C12orf57: variants seen among roughly 807,000 people sequenced by gnomAD.
C12orf57 encodes chromosome 12 open reading frame 57.
A neutral mutation model predicts 11.3 loss-of-function variants in C12orf57; 14 were observed. That is an observed-to-expected ratio of 1.24 (90% CI 0.82 to 1.94). C12orf57 has a LOEUF of 1.94. Ranked by LOEUF, C12orf57 falls within the 30% of genes most tolerant of loss-of-function variation. The pLI is 0.00. For synonymous variants in C12orf57, 100 were observed against 74.6 expected (o/e 1.34, Z -1.76); for missense variants, 229 against 172.4 (o/e 1.33, Z -1.84).
At position 6,944,140 on chromosome 12, in the gene C12orf57, C is replaced by A; in HGVS notation, c.19C>A (p.Gln7Lys). The change falls in exon 1 of 3, where the codon CAA (glutamine) becomes AAA (lysine). Residue 7 changes from glutamine to lysine, a missense_variant. Gln to Lys is a moderately conservative substitution (Grantham distance 53). Transcript: ENST00000229281. ...ACGCCCTATGGCGTCCGCCTCGACC[C>A]AACCGGCGGCCTTGAGCGCTGAGCA... MASAST[Q>K]PAALSAEQAK... 6.2e-7 allele frequency: 1 copy of A among 1,614,238 alleles called. No homozygotes were observed. Among genetic ancestry groups the A allele is most frequent in the Non-Finnish European group, 8.5e-7 (1 of 1,180,030 alleles).
chr12:6,944,558 C>T lies in C12orf57; in HGVS notation c.135C>T (p.Asn45=), dbSNP rs781947097. The T allele has an allele frequency of 1.2e-6, 2 of 1,613,528 alleles. No homozygotes were observed. The highest frequency in any genetic ancestry group is 2.7e-5 in the African/African-American group (2 of 74,914). The change falls in exon 2 of 3, where the codon AAC becomes AAT. Residue 45 remains asparagine, a synonymous_variant. Transcript: ENST00000229281. The stretch of plus-strand genomic sequence containing the variant: ...ACGAGGCTCGGGATAACGCCTGCAA[C>T]GACATGGGTAAGATGCTGCAATTCG... ...RMDEARDNAC[N]DMGKMLQFVL...
chr12:6,944,197 A>T, intron 1 of C12orf57, 24 bp downstream of exon 1: 2 of 1,565,906 alleles, frequency 1.3e-6, no homozygotes, highest in South Asian at 2.3e-5. Flanking sequence ...TAGTCAAGGC[A>T]TAGGCTGCTG....
chr12:6,945,829 C>T lies in C12orf57; in HGVS notation c.288C>T (p.Ala96=). The stretch of plus-strand genomic sequence containing the variant: ...ACGAAGCCCAGGATCCTGAGATCGC[C>T]AGCCTGTCAGGCAAGCTGAAGGCGC... ...KSYEAQDPEI[A]SLSGKLKALF... Residue 96 remains alanine, a synonymous_variant, in exon 3 of 3, where the codon GCC becomes GCT. Coordinates refer to ENST00000229281, the MANE Select transcript of C12orf57 (RefSeq NM_138425.4). 1 of 1,613,904 alleles carries T rather than the reference C, an allele frequency of 6.2e-7. No homozygotes were observed. Among genetic ancestry groups the T allele is most frequent in the Non-Finnish European group, 8.5e-7 (1 of 1,179,918 alleles).
upstream of C12orf57, chr12:6,943,999 T>G (rs1945710453): frequency 2.5e-6 from 4 of 1,591,008 alleles, no homozygotes; most frequent in South Asian, 4.5e-5. Flanking sequence ...CCTGGGCGCT[T>G]CCGGCTGCGC....
At chr12:6,944,387 C>G in intron 1 of C12orf57, 89 bp from the exon 2 acceptor site, 1 of 1,560,524 alleles carries the variant, frequency 6.4e-7, no homozygotes, top group Non-Finnish European at 8.7e-7. Context: ...CAGCCTCAAT[C>G]CACTAATTCC....
Position 6,944,645 on chromosome 12 carries a change from C to G in C12orf57, c.222C>G (p.Asp74Glu). Residue 74 changes from aspartate (D) to glutamate (E), a missense_variant, in exon 2 of 3, where the codon GAC (aspartate) becomes GAG (glutamate). Asp to Glu is a conservative substitution (Grantham distance 45). Coordinates refer to ENST00000229281, the MANE Select transcript of C12orf57 (RefSeq NM_138425.4). ...EVIKAYGFSC[D>E]GEGVLKFARL... ...TCAAAGCCTATGGCTTCAGCTGCGA[C>G]GGGGAAGGTGGGTCAGACGCGGGAA... is the stretch of plus-strand genomic sequence containing the variant. 1.2e-6 allele frequency: 2 copies of G among 1,611,744 alleles called. No homozygotes were observed. The highest frequency in any genetic ancestry group is 1.7e-6 in the Non-Finnish European group (2 of 1,178,052).
intron 2 of C12orf57, chr12:6,944,900 GT>G: frequency 7.2e-7 from 1 of 1,385,728 alleles, no homozygotes; most frequent in Admixed American, 3.3e-5. Flanking sequence ...AGTGTTTCGG[GT>G]TTTTTCAGAT....
In C12orf57 at chr12:6,944,046, G is replaced by C. The variant is rs1297817085; in HGVS notation, c.-76G>C. ...TCCTTTCCGCTCCCAGGGGCGTTGG[G>C]AACGGTTGTAGGACGTGGCTCTTTA... is the stretch of plus-strand genomic sequence containing the variant. On this transcript the variant is annotated 5_prime_UTR_variant, in exon 1 of 3. Coordinates refer to ENST00000229281, the MANE Select transcript of C12orf57 (RefSeq NM_138425.4). 6.2e-7 allele frequency: 1 copy of C among 1,611,874 alleles called. No homozygotes were observed.
upstream of C12orf57, chr12:6,943,999 TCCGGCTGCG>T (rs1945710643): frequency 1.9e-6 from 3 of 1,590,890 alleles, no homozygotes; most frequent in Admixed American, 3.5e-5. Flanking sequence ...CCTGGGCGCT[TCCGGCTGCG>T]CCGGATGCTG....
intron 2 of C12orf57, 72 bp from the exon 3 acceptor site, chr12:6,945,698 CT>C: frequency 6.6e-7 from 1 of 1,523,726 alleles, no homozygotes; most frequent in South Asian, 1.2e-5. Flanking sequence ...CATGCTTAGA[CT>C]ACCACCCCCT....
chr12:6,943,849 G>A (rs782586264), upstream of C12orf57: 73 of 890,604 alleles, frequency 8.2e-5, no homozygotes, highest in Non-Finnish European at 1.0e-4. Flanking sequence ...TTGTCTAGTA[G>A]GCTTTCTGGC....
intron 1 of C12orf57, 137 bp from the exon 2 acceptor site, chr12:6,944,339 G>A (rs988817023): frequency 2.5e-5 from 39 of 1,557,034 alleles, no homozygotes; most frequent in South Asian, 5.7e-5. Context: ...TAAGTGGGGC[G>A]CTTGCCCCCA....
Position 6,945,752 on chromosome 12 carries a change from C to G in C12orf57, c.230-19C>G. The G allele has an allele frequency of 1.2e-6, 2 of 1,612,526 alleles. No homozygotes were observed. The highest frequency in any genetic ancestry group is 1.7e-6 in the Non-Finnish European group (2 of 1,179,372). On this transcript the variant is annotated intron_variant, in intron 2 of 2. Coordinates refer to ENST00000229281, the MANE Select transcript of C12orf57 (RefSeq NM_138425.4). The stretch of plus-strand genomic sequence containing the variant: ...GCTGGTCCTTAGGAGAAGGGTTGAC[C>G]TTCCACTCCCTCTTGCAGGTGTCCT...
At chr12:6,943,926 T>A, upstream of C12orf57, 3 of 1,322,066 alleles carry the variant, frequency 2.3e-6, no homozygotes, top group Non-Finnish European at 2.0e-6. Context: ...TGTGCAAAAA[T>A]TATGGGTAGT....
At chr12:6,944,316 G>A in intron 1 of C12orf57, 143 bp downstream of exon 1, 1 of 1,575,898 alleles carries the variant, frequency 6.3e-7, no homozygotes, top group Non-Finnish European at 8.6e-7. Context: ...GGGGACGCCG[G>A]GTACCGTCCT....
In C12orf57 at chr12:6,944,526, C is replaced by T; in HGVS notation, c.103C>T (p.Arg35Cys). ...QAFSAPENAV[R>C]MDEARDNACN... ...GTTCTCCGCCCCGGAGAATGCAGTGCGCATGGACGAGGCTCGGGATAACGC... is the reference window on the plus strand; with the variant it reads ...GTTCTCCGCCCCGGAGAATGCAGTGTGCATGGACGAGGCTCGGGATAACGC... Residue 35 changes from arginine to cysteine, a missense_variant, in exon 2 of 3, where the codon CGC (arginine) becomes TGC (cysteine). By Grantham distance (180) the Arg-to-Cys change is radical (BLOSUM62 -3). Transcript: ENST00000229281. The T allele has an allele frequency of 6.2e-7, 1 of 1,613,914 alleles. No homozygotes were observed. The highest frequency in any genetic ancestry group is 8.5e-7 in the Non-Finnish European group (1 of 1,180,018).
In C12orf57 at chr12:6,944,525, G is replaced by A; in HGVS notation, c.102G>A (p.Val34=). Residue 34 remains valine, a synonymous_variant, in exon 2 of 3, where the codon GTG becomes GTA. Transcript: ENST00000229281. ...CGTTCTCCGCCCCGGAGAATGCAGTGCGCATGGACGAGGCTCGGGATAACG... is the reference window on the plus strand; with the variant it reads ...CGTTCTCCGCCCCGGAGAATGCAGTACGCATGGACGAGGCTCGGGATAACG... ...IQAFSAPENA[V]RMDEARDNAC... 2.5e-6 allele frequency: 4 copies of A among 1,613,918 alleles called. No homozygotes were observed. Among genetic ancestry groups the A allele is most frequent in the Non-Finnish European group, 3.4e-6 (4 of 1,180,030 alleles).
rs782442494 is a variant in C12orf57 at position 6,944,092 on chromosome 12, C to T, written c.-30C>T. The T allele has an allele frequency of 2.0e-5, 33 of 1,614,044 alleles. No individual in the cohort carries two copies. The highest frequency in any genetic ancestry group is 1.1e-4 in the East Asian group (5 of 44,892). On this transcript the variant is annotated 5_prime_UTR_variant, in exon 1 of 3. Coordinates refer to ENST00000229281, the MANE Select transcript of C12orf57 (RefSeq NM_138425.4). The stretch of plus-strand genomic sequence containing the variant: ...CTTTATTCGTGAGTTTTCCATTTAC[C>T]TCCGCTGAACCTAGAGCTTCAGACG...
intron 2 of C12orf57, among the ~76,000 whole-genome samples, chr12:6,945,274 G>A (rs1280802745): frequency 6.6e-6 from 1 of 152,218 alleles, no homozygotes; most frequent in Non-Finnish European, 1.5e-5. Flanking sequence ...AGCAGAGCTG[G>A]ACTTAAATGC....
Sources: allele counts gnomAD v4.1 joint callset (sites outside exome capture counted in the v4.1 genomes callset), GRCh38; gene constraint gnomAD v4.1.1; transcripts MANE v1.5; gene names NCBI Gene and HGNC (gene_info 2026-07-23, HGNC 2026-07-21).